Variants in GCSH observed in about 807,000 individuals in gnomAD.
GCSH encodes glycine cleavage system protein H, also known as glycine cleavage system H protein, mitochondrial.
GCSH carries 15 observed loss-of-function variants against 21.3 expected under a neutral mutation model. The ratio of observed to expected loss-of-function variants is 0.70; its 90% CI spans 0.47 to 1.08. The LOEUF is 1.08. Among genes scored for constraint, GCSH ranks in the 50% least tolerant of loss-of-function variants. The pLI, the probability that GCSH is intolerant of heterozygous loss-of-function variation, is 0.00. For synonymous variants in GCSH, 59 were observed against 84.5 expected, an observed-to-expected ratio of 0.70 and a Z score of 1.66; for missense variants, 179 against 217.5, an observed-to-expected ratio of 0.82 and a Z score of 1.11.
intron 2 of GCSH, among the ~76,000 whole-genome samples, chr16:81,089,405 A>G (rs1280388632): frequency 2.0e-5 from 3 of 152,102 alleles, no homozygotes; most frequent in Admixed American, 6.6e-5. Flanking sequence ...AACCTATGCC[A>G]TATTTTTACT....
chr16:81,094,750 G>C lies in GCSH; in HGVS notation c.148+1381C>G, dbSNP rs1972465455. 2.0e-5 allele frequency among the ~76,000 whole-genome samples: 3 copies of C among 151,666 alleles called. No homozygotes were observed. The South Asian group carries it at 6.2e-4, about 31-fold the overall frequency. On this transcript the variant is annotated intron_variant, in intron 1 of 4. Transcript: ENST00000315467. Reference sequence around the variant, plus strand: ...AGCTAATGAGACAAGAGCCATCACTGATCTACGCAATCGAAGCAGAGGAGC... The same window carrying C: ...AGCTAATGAGACAAGAGCCATCACTCATCTACGCAATCGAAGCAGAGGAGC...
At chr16:81,090,725 C>T in intron 1 of GCSH, 45 bp from the exon 2 acceptor site, 1 of 1,329,966 alleles carries the variant, frequency 7.5e-7, no homozygotes, top group Non-Finnish European at 1.1e-6. Context: ...AGCATTACTT[C>T]TTAAGAAGCA....
intron 2 of GCSH, among the ~76,000 whole-genome samples, chr16:81,089,159 A>G (rs1196127383): frequency 2.6e-5 from 4 of 152,236 alleles, no homozygotes; most frequent in African/African-American, 9.6e-5. Context: ...CAGACCACAT[A>G]TATGACAGTG....
At position 81,090,882 on chromosome 16, in the gene GCSH, A is replaced by C. The variant is rs145103376; in HGVS notation, c.149-202T>G. On this transcript the variant is annotated intron_variant, in intron 1 of 4. Transcript: ENST00000315467. ...AAACAGCAGTACCATTTAAGCAAAGATGGCTTCATCTGAACACCTTGTGCA... is the reference window on the plus strand; with the variant it reads ...AAACAGCAGTACCATTTAAGCAAAGCTGGCTTCATCTGAACACCTTGTGCA... The C allele has an allele frequency of 3.8e-3, 2,430 of 637,088 alleles. 8 individuals are homozygous for C. The highest frequency in any genetic ancestry group is 6.3e-3 in the South Asian group (351 of 56,138). 39.5% of individuals were successfully genotyped at this position (637,088 alleles called of 1,614,324 possible). A position where few individuals can be genotyped will look rare whatever the true frequency, so the allele number is the denominator to read the frequency against.
In GCSH at chr16:81,096,196, G is replaced by C; in HGVS notation, c.83C>G (p.Pro28Arg). 7.6e-7 allele frequency: 1 copy of C among 1,318,120 alleles called. No homozygotes were observed. 81.7% of individuals were successfully genotyped at this position (1,318,120 alleles called of 1,614,324 possible). A position where few individuals can be genotyped will look rare whatever the true frequency, so the allele number is the denominator to read the frequency against. Residue 28 changes from proline (P) to arginine (R), a missense_variant, in exon 1 of 5, where the codon CCG becomes CGG. Transcript: ENST00000315467. ...AVPSPAAPCP[P>R]RPWQLGVGAV... ...GCCCACCCCCAGCTGCCAGGGCCTC[G>C]GCGGGCAGGGCGCGGCGGGTGACGG... is the stretch of plus-strand genomic sequence containing the variant.
Position 81,090,697 on chromosome 16 carries a change from A to G in GCSH, c.149-17T>C, listed in dbSNP as rs1972381202. On this transcript the variant is annotated splice_polypyrimidine_tract_variant and intron_variant, in intron 1 of 4. Coordinates refer to ENST00000315467, the MANE Select transcript of GCSH (RefSeq NM_004483.5). ...ATTTACGCACTAAAACAGAAGACCA[A>G]CATTTCAGAAAAGCAGTAGCATTAC... is the stretch of plus-strand genomic sequence containing the variant. The G allele has an allele frequency of 6.4e-7, 1 of 1,564,696 alleles. No individual in the cohort carries two copies. The highest frequency in any genetic ancestry group is 8.8e-7 in the Non-Finnish European group (1 of 1,134,794).
chr16:81,085,558 C>G (rs1310211694), intron 3 of GCSH, among the ~76,000 whole-genome samples: 2 of 152,064 alleles, frequency 1.3e-5, no homozygotes, highest in African/African-American at 2.4e-5. Context: ...AGTGAAGTAC[C>G]CTGTATCAGA....
At position 81,096,340 on chromosome 16, in the gene GCSH, G is replaced by T. The variant is rs999971258; in HGVS notation, c.-62C>A. 1.1e-5 allele frequency: 14 copies of T among 1,319,302 alleles called. No homozygotes were observed. Among genetic ancestry groups the T allele is most frequent in the Non-Finnish European group, 1.3e-5 (13 of 1,031,700 alleles). The allele number at this position is 1,319,302 out of a possible 1,614,324, so 81.7% of individuals were successfully genotyped here. On this transcript the variant is annotated 5_prime_UTR_variant, in exon 1 of 5. Coordinates refer to ENST00000315467, the MANE Select transcript of GCSH (RefSeq NM_004483.5). ...GGCCACCCGCGCCGGGAGGCGGGGCGGGGAGGGGCAGTTCGCGGCCGGAGG... is the reference window on the plus strand; with the variant it reads ...GGCCACCCGCGCCGGGAGGCGGGGCTGGGAGGGGCAGTTCGCGGCCGGAGG...
rs1257500625 is a variant in GCSH, at chr16:81,082,064, CCT to C, written c.*800_*801del. On this transcript the variant is annotated 3_prime_UTR_variant, in exon 5 of 5. Transcript: ENST00000315467. The stretch of plus-strand genomic sequence containing the variant: ...CTATACTGATCAAAACTTCCACCTT[CCT>C]CTGTCTTTCCTCTTCTTTCTTCAGA... The C allele has an allele frequency of 6.6e-6, 3 of 454,112 alleles. No homozygotes were observed. The highest frequency in any genetic ancestry group is 2.3e-5 in the Admixed American group (1 of 42,562). 28.1% of individuals were successfully genotyped at this position (454,112 alleles called of 1,614,324 possible). A position where few individuals can be genotyped will look rare whatever the true frequency, so the allele number is the denominator to read the frequency against.
intron 1 of GCSH, among the ~76,000 whole-genome samples, chr16:81,095,750 G>A (rs1172094266): frequency 1.3e-5 from 2 of 152,180 alleles, no homozygotes; most frequent in African/African-American, 4.8e-5. Context: ...CCCATTTGGG[G>A]TCTCAACGAT....
At chr16:81,094,205 T>C (rs1972455776) in intron 1 of GCSH, among the ~76,000 whole-genome samples, 1 of 152,180 alleles carries the variant, frequency 6.6e-6, no homozygotes, top group Admixed American at 6.6e-5. Context: ...TGGACAATAA[T>C]TACTTTCTAA....
intron 4 of GCSH, 177 bp downstream of exon 4, chr16:81,084,286 T>A: frequency 1.5e-6 from 1 of 676,168 alleles, no homozygotes; most frequent in Non-Finnish European, 2.6e-6. Flanking sequence ...GCCAGAAATC[T>A]TAAACATAAC....
intron 1 of GCSH, among the ~76,000 whole-genome samples, chr16:81,095,155 G>C (rs944041638): frequency 6.6e-6 from 1 of 151,812 alleles, no homozygotes; most frequent in South Asian, 2.1e-4. Context: ...TGCTGAAGTA[G>C]CACAAATGGC....
chr16:81,088,515 C>T (rs1367560393), intron 2 of GCSH, among the ~76,000 whole-genome samples: 2 of 152,136 alleles, frequency 1.3e-5, no homozygotes, highest in South Asian at 2.1e-4. Flanking sequence ...TCTCCTGCCT[C>T]AGCCTCCCAA....
intron 1 of GCSH, among the ~76,000 whole-genome samples, chr16:81,091,735 G>A (rs1972401432): frequency 6.6e-6 from 1 of 152,022 alleles, no homozygotes; most frequent in Non-Finnish European, 1.5e-5. Context: ...CAATTGCTTT[G>A]GTTACAGCTC....
At chr16:81,091,088 CATATAAGAA>C (rs1359803335) in intron 1 of GCSH, 5 of 454,028 alleles carry the variant, frequency 1.1e-5, no homozygotes, top group Non-Finnish European at 2.2e-5. Context: ...AAAGATGGCT[CATATAAGAA>C]ATGATTTAAC....
chr16:81,085,755 G>C (rs1972260203), intron 3 of GCSH, among the ~76,000 whole-genome samples: 1 of 152,176 alleles, frequency 6.6e-6, no homozygotes, highest in South Asian at 2.1e-4. Context: ...AGCTACTTGG[G>C]AGACTGAGGC....
At chr16:81,090,288 T>C (rs1217804906) in intron 2 of GCSH, among the ~76,000 whole-genome samples, 4 of 151,806 alleles carry the variant, frequency 2.6e-5, no homozygotes, top group African/African-American at 9.7e-5. Flanking sequence ...ATGATCATGG[T>C]TCACTGCAGC....
intron 1 of GCSH, chr16:81,091,134 C>T (rs8177871): frequency 0.016 from 7,312 of 451,030 alleles, 302 homozygotes; most frequent in African/African-American, 0.11. Context: ...CAGTAATAAT[C>T]AGGTGCCTCT....
Sources: allele counts gnomAD v4.1 joint callset (sites outside exome capture counted in the v4.1 genomes callset), GRCh38; gene constraint gnomAD v4.1.1; transcripts MANE v1.5; gene names NCBI Gene and HGNC (gene_info 2026-07-23, HGNC 2026-07-21).